KHDRBS2: variants seen among roughly 807,000 people sequenced by gnomAD.
KHDRBS2 encodes the protein KH domain-containing, RNA-binding, signal transduction-associated protein 2.
Under a neutral mutation model 44.3 loss-of-function variants are expected in KHDRBS2, and 26 were observed. That is an observed-to-expected ratio of 0.59 (90% CI 0.43 to 0.81). The LOEUF (loss-of-function observed/expected upper bound fraction) is 0.81. Ranked by LOEUF, KHDRBS2 falls within the 40% of genes least tolerant of loss-of-function variation. The pLI, the probability that KHDRBS2 is intolerant of heterozygous loss-of-function variation, is 0.00. For synonymous variants in KHDRBS2, 194 were observed against 151.1 expected (o/e 1.28, Z -2.08); for missense variants, 476 against 433.1 (o/e 1.10, Z -0.88).
At chr6:61,568,537 T>C in the KHDRBS2 span, among the ~76,000 whole-genome samples, 1 of 152,094 alleles carries the variant, frequency 6.6e-6, no homozygotes, top group African/African-American at 2.4e-5. Flanking sequence ...AAATCACAGA[T>C]CCTTTGAATG....
intron 6 of KHDRBS2, among the ~76,000 whole-genome samples, chr6:61,884,073 C>A (rs143875203): frequency 1.3e-5 from 2 of 152,012 alleles, no homozygotes; most frequent in African/African-American, 4.8e-5. Context: ...ATTTCCCTCT[C>A]CTGTCAAAAA....
chr6:62,034,150 G>A (rs1402673709), intron 3 of KHDRBS2, among the ~76,000 whole-genome samples: 3 of 151,612 alleles, frequency 2.0e-5, no homozygotes, highest in Admixed American at 1.3e-4. Context: ...CCAACAACAA[G>A]TAATGAGATC....
intron 2 of KHDRBS2, among the ~76,000 whole-genome samples, chr6:62,059,373 T>C (rs549056927): frequency 6.6e-6 from 1 of 151,360 alleles, no homozygotes; most frequent in Admixed American, 6.6e-5. Flanking sequence ...GCAGAGCCCA[T>C]GAGAAGTTGT....
chr6:62,120,939 G>A (rs1253165924), intron 2 of KHDRBS2, among the ~76,000 whole-genome samples: 1 of 152,128 alleles, frequency 6.6e-6, no homozygotes, highest in East Asian at 1.9e-4. Context: ...GGGGAAAGAG[G>A]AATGTTCAGA....
At chr6:62,097,079 G>A (rs1800766909) in intron 2 of KHDRBS2, among the ~76,000 whole-genome samples, 1 of 150,886 alleles carries the variant, frequency 6.6e-6, no homozygotes, top group Admixed American at 6.6e-5. Flanking sequence ...ATTGCATTGT[G>A]GTTAGAAAAG....
intron 6 of KHDRBS2, among the ~76,000 whole-genome samples, chr6:61,824,387 C>T (rs1053242214): frequency 1.3e-5 from 2 of 152,048 alleles, no homozygotes; most frequent in African/African-American, 4.8e-5. Context: ...TCTCTCTCTC[C>T]TGCTGCCATG....
At chr6:62,074,342 C>T (rs1795905646) in intron 2 of KHDRBS2, among the ~76,000 whole-genome samples, 1 of 151,876 alleles carries the variant, frequency 6.6e-6, no homozygotes, top group Non-Finnish European at 1.5e-5. Flanking sequence ...ACCATTCCTG[C>T]ATGTCTCCCA....
At chr6:62,264,114 G>GA (rs1838807202) in intron 1 of KHDRBS2, among the ~76,000 whole-genome samples, 1 of 151,534 alleles carries the variant, frequency 6.6e-6, no homozygotes, top group African/African-American at 2.4e-5. Flanking sequence ...CAAATACACA[G>GA]AAAAAAGATG....
chr6:62,155,807 T>C (rs1027842168), intron 2 of KHDRBS2, among the ~76,000 whole-genome samples: 6 of 152,228 alleles, frequency 3.9e-5, no homozygotes, highest in African/African-American at 1.4e-4. Context: ...ACATAAGTCA[T>C]TTACATGAAG....
Position 62,104,136 on chromosome 6 carries a change from T to C in KHDRBS2, c.220-56142A>G, listed in dbSNP as rs1329253820. Among the ~76,000 whole-genome samples the C allele has an allele frequency of 2.6e-5, 4 of 152,340 alleles. No individual in the cohort carries two copies. The East Asian group carries it at 7.7e-4, about 29-fold the overall frequency. On this transcript the variant is annotated intron_variant, in intron 2 of 8. Coordinates refer to ENST00000281156, the MANE Select transcript of KHDRBS2 (RefSeq NM_152688.4). Reference sequence around the variant, plus strand: ...AAACAAAAGCACTAACAATTTAGAATATCAGTAAGGTATAAAAGACTTAAA... The same window carrying C: ...AAACAAAAGCACTAACAATTTAGAACATCAGTAAGGTATAAAAGACTTAAA...
the KHDRBS2 span, among the ~76,000 whole-genome samples, chr6:61,575,514 T>C: frequency 6.6e-6 from 1 of 152,202 alleles, no homozygotes; most frequent in Non-Finnish European, 1.5e-5. Flanking sequence ...GGTGAGAATG[T>C]ACACTAGTAC....
chr6:62,279,096 AAAAT>A (rs571362036), intron 1 of KHDRBS2, among the ~76,000 whole-genome samples: 5 of 151,944 alleles, frequency 3.3e-5, no homozygotes, highest in African/African-American at 1.2e-4. Flanking sequence ...TCCATCTCAA[AAAAT>A]AAATAAATAA....
chr6:61,861,193 G>C (rs1395975230), intron 6 of KHDRBS2, among the ~76,000 whole-genome samples: 1 of 151,896 alleles, frequency 6.6e-6, no homozygotes, highest in Admixed American at 6.6e-5. Flanking sequence ...AGCTTCTTTT[G>C]CTGTGCAGAA....
chr6:61,902,525 A>C (rs1257060624), intron 4 of KHDRBS2, among the ~76,000 whole-genome samples: 1 of 151,754 alleles, frequency 6.6e-6, no homozygotes, highest in African/African-American at 2.4e-5. Flanking sequence ...ACACACACAC[A>C]CACTCTCACA....
intron 1 of KHDRBS2, among the ~76,000 whole-genome samples, chr6:62,230,189 T>C (rs1563101323): frequency 6.6e-6 from 1 of 152,220 alleles, no homozygotes; most frequent in African/African-American, 2.4e-5. Context: ...TTTATTACTT[T>C]AGGTTTATAA....
chr6:62,024,561 A>T, intron 3 of KHDRBS2, among the ~76,000 whole-genome samples: 1 of 151,794 alleles, frequency 6.6e-6, no homozygotes, highest in South Asian at 2.1e-4. Flanking sequence ...AAATATTGTG[A>T]TAGTAATTTA....
chr6:61,850,848 G>A (rs1215197609), intron 6 of KHDRBS2, among the ~76,000 whole-genome samples: 2 of 152,138 alleles, frequency 1.3e-5, no homozygotes, highest in Non-Finnish European at 2.9e-5. Flanking sequence ...GAGGCCTTTA[G>A]AACCTCAATC....
At chr6:62,137,884 T>C (rs1270130360) in intron 2 of KHDRBS2, among the ~76,000 whole-genome samples, 1 of 152,208 alleles carries the variant, frequency 6.6e-6, no homozygotes, top group Non-Finnish European at 1.5e-5. Flanking sequence ...ATGAACAAAG[T>C]TTAAGTGGTT....
chr6:62,109,104 A>T (rs1584760335), intron 2 of KHDRBS2, among the ~76,000 whole-genome samples: 6 of 151,888 alleles, frequency 4.0e-5, no homozygotes, highest in Admixed American at 3.3e-4. Flanking sequence ...TAATAATAAA[A>T]AAAAAAAAGA....
Sources: allele counts gnomAD v4.1 joint callset (sites outside exome capture counted in the v4.1 genomes callset), GRCh38; gene constraint gnomAD v4.1.1; transcripts MANE v1.5; gene names NCBI Gene and HGNC (gene_info 2026-07-23, HGNC 2026-07-21).